The following STK25 variants were observed in gnomAD, a reference collection of about 807,000 sequenced individuals.
STK25 encodes the protein serine/threonine kinase 25, also known as serine/threonine-protein kinase 25.
Under a neutral mutation model 53.8 loss-of-function variants are expected in STK25, and 29 were observed. That is an observed-to-expected ratio of 0.54 (90% CI 0.40 to 0.74). The LOEUF (loss-of-function observed/expected upper bound fraction) is 0.74, where lower values mean the gene tolerates loss of function less well. Among genes scored for constraint, STK25 ranks in the 30% least tolerant of loss-of-function variants. The probability of loss-of-function intolerance (pLI) is 0.00; values close to 1 mark genes in which losing one functional copy is unlikely to be tolerated. For missense variants in STK25, 420 were observed against 568.0 expected (o/e 0.74, Z 2.65); for synonymous variants, 247 against 238.3 (o/e 1.04, Z -0.33).
At position 241,501,285 on chromosome 2, in the gene STK25, C is replaced by A; in HGVS notation, c.261+193G>T. ...TTACCACAGGCAGGCAAGTGGGTCC[C>A]AATGGCCATTTAGAGCCAACTGACC... On this transcript the variant is annotated intron_variant, in intron 3 of 11. Coordinates refer to ENST00000316586, the MANE Select transcript of STK25 (RefSeq NM_001271977.2). The surrounding 1 kb of genome is among the most constrained non-coding windows in gnomAD (Gnocchi z 5.3). 1.5e-6 allele frequency: 1 copy of A among 648,926 alleles called. No individual in the cohort carries two copies. 40.2% of individuals were successfully genotyped at this position (648,926 alleles called of 1,614,324 possible).
chr2:241,508,325 A>C, intron 1 of STK25, 118 bp downstream of exon 1: 3 of 1,182,546 alleles, frequency 2.5e-6, no homozygotes, highest in Non-Finnish European at 3.1e-6. Context: ...CACCTCTTCC[A>C]AGGCAGCTTC....
In STK25 at chr2:241,497,719, GGCAGT is replaced by G. The variant is rs780144982; in HGVS notation, c.1033-37_1033-33del. On this transcript the variant is annotated intron_variant, in intron 9 of 11. Transcript: ENST00000316586. ...AGGAGTGGAGGCCCAGGGTGAGCAG[GGCAGT>G]GCAGGTGACAGGCAGGGCACTCCCA... 3.7e-6 allele frequency: 6 copies of G among 1,608,422 alleles called. No homozygotes were observed. In the South Asian group the frequency reaches 6.6e-5, roughly 18 times the overall value.
chr2:241,498,615 C>A, intron 8 of STK25, 24 bp downstream of exon 8: 1 of 1,603,624 alleles, frequency 6.2e-7, no homozygotes, highest in Non-Finnish European at 8.5e-7. Flanking sequence ...CTAGGGTCAC[C>A]ATGAGGATAA....
intron 1 of STK25, 146 bp from the exon 2 acceptor site, chr2:241,508,281 C>T (rs901613178): frequency 1.6e-6 from 2 of 1,274,446 alleles, no homozygotes; most frequent in Non-Finnish European, 2.0e-6. Context: ...CGCCCAGGCT[C>T]CCGGGGGCTC....
At chr2:241,506,256 A>C (rs899661998) in intron 2 of STK25, among the ~76,000 whole-genome samples, 2 of 152,210 alleles carry the variant, frequency 1.3e-5, no homozygotes, top group Non-Finnish European at 2.9e-5. Flanking sequence ...GTTTTCTGCC[A>C]CTATATGAAG....
intron 7 of STK25, 21 bp downstream of exon 7, chr2:241,498,968 C>G (rs749095228): frequency 6.2e-7 from 1 of 1,613,086 alleles, no homozygotes; most frequent in African/African-American, 1.3e-5. Context: ...TAGAAGGGAC[C>G]GGGCCAGAGG....
upstream of STK25, chr2:241,508,819 C>G: frequency 1.1e-6 from 1 of 913,776 alleles, no homozygotes; most frequent in South Asian, 5.0e-5. Flanking sequence ...CGCGCCTGGG[C>G]GGGCGGGGCA....
upstream of STK25, chr2:241,509,482 C>T (rs1158865775): frequency 6.6e-6 from 1 of 152,378 alleles, no homozygotes; most frequent in Non-Finnish European, 1.5e-5. Context: ...AGATTTGTCC[C>T]TCCTGCATAC....
chr2:241,508,807 C>A, upstream of STK25: 3 of 956,680 alleles, frequency 3.1e-6, no homozygotes, highest in Non-Finnish European at 3.7e-6. Flanking sequence ...CCCGGCAGGC[C>A]GCGCGCCTGG....
intron 1 of STK25, 128 bp downstream of exon 1, chr2:241,508,300 TCCCGTCGCCGCCCCC>T: frequency 8.1e-7 from 1 of 1,236,512 alleles, no homozygotes; most frequent in Non-Finnish European, 1.0e-6. Context: ...TCGCCGCCCC[TCCCGTCGCCGCCCCC>T]ACCTCTTCCA....
At chr2:241,499,611 G>A (rs950555612) in intron 5 of STK25, 197 bp from the exon 6 acceptor site, 15 of 649,180 alleles carry the variant, frequency 2.3e-5, no homozygotes, top group Admixed American at 1.2e-4. Flanking sequence ...GGAGCCCAAC[G>A]GCTCCACTCC....
rs1050839648 is a variant in STK25 at position 241,494,753 on chromosome 2, C to G, written c.*909G>C. 3.9e-5 allele frequency: 6 copies of G among 152,248 alleles called. No homozygotes were observed. Among genetic ancestry groups the G allele is most frequent in the African/African-American group, 1.2e-4 (5 of 41,454 alleles). The allele number at this position is 152,248 out of a possible 1,614,324, so 9.4% of individuals were successfully genotyped here. A position where few individuals can be genotyped will look rare whatever the true frequency, so the allele number is the denominator to read the frequency against. ...GAGGGTGGGGCCGTCTAATTTATTA[C>G]TGCCCAGCATTCCTTCCAACGGGAA... On this transcript the variant is annotated 3_prime_UTR_variant, in exon 12 of 12. Transcript: ENST00000316586. This position sits in a 1 kb window ranked among gnomAD's most constrained non-coding sequence, Gnocchi z 4.9.
At chr2:241,495,818 C>A in intron 11 of STK25, 117 bp from the exon 12 acceptor site, 1 of 1,013,630 alleles carries the variant, frequency 9.9e-7, no homozygotes, top group South Asian at 1.3e-5. Flanking sequence ...CCACGTGGGT[C>A]TGAAGGTGTC....
At chr2:241,507,562 G>C (rs1204975664) in intron 2 of STK25, among the ~76,000 whole-genome samples, 6 of 152,292 alleles carry the variant, frequency 3.9e-5, no homozygotes, top group Admixed American at 6.5e-5. Flanking sequence ...GCCCCTCAGC[G>C]CCCGCCAGGG....
In STK25 at chr2:241,495,586, C is replaced by G. The variant is rs750009586; in HGVS notation, c.*76G>C. ...GCACGACATAGCACAGGGCACCTTC[C>G]AAGTCAGCACAGTTCTTATGGAGCT... On this transcript the variant is annotated 3_prime_UTR_variant, in exon 12 of 12. Transcript: ENST00000316586. 1.7e-5 allele frequency: 27 copies of G among 1,558,064 alleles called. No homozygotes were observed. In the Admixed American group the frequency reaches 3.5e-4, roughly 20 times the overall value.
chr2:241,495,575 A>G lies in STK25; in HGVS notation c.*87T>C. The G allele has an allele frequency of 1.3e-6, 2 of 1,488,084 alleles. No homozygotes were observed. Among genetic ancestry groups the G allele is most frequent in the South Asian group, 1.1e-5 (1 of 88,418 alleles). 92.2% of individuals were successfully genotyped at this position (1,488,084 alleles called of 1,614,324 possible). A position where few individuals can be genotyped will look rare whatever the true frequency, so the allele number is the denominator to read the frequency against. On this transcript the variant is annotated 3_prime_UTR_variant, in exon 12 of 12. Transcript: ENST00000316586. ...TGTCCCTGCAGGCACGACATAGCAC[A>G]GGGCACCTTCCAAGTCAGCACAGTT...
chr2:241,504,422 T>C (rs934590296), intron 2 of STK25, among the ~76,000 whole-genome samples: 2 of 152,248 alleles, frequency 1.3e-5, no homozygotes, highest in African/African-American at 4.8e-5. Flanking sequence ...CTCGGCAGGA[T>C]AGAGAGAGCT....
At position 241,493,403 on chromosome 2, in the gene STK25, C is replaced by A; in HGVS notation, c.*2259G>T. Reference sequence around the variant, plus strand: ...TTTTCAAGCTCCAGTTCAAATCCCACGTCTACTTCTTCCGGGCTGAGAGCA... The same window carrying A: ...TTTTCAAGCTCCAGTTCAAATCCCAAGTCTACTTCTTCCGGGCTGAGAGCA... On this transcript the variant is annotated 3_prime_UTR_variant, in exon 12 of 12. Coordinates refer to ENST00000316586, the MANE Select transcript of STK25 (RefSeq NM_001271977.2). 1 of 1,613,944 alleles carries A rather than the reference C, an allele frequency of 6.2e-7. No individual in the cohort carries two copies. Among genetic ancestry groups the A allele is most frequent in the Non-Finnish European group, 8.5e-7 (1 of 1,179,990 alleles).
intron 10 of STK25, among the ~76,000 whole-genome samples, chr2:241,497,011 C>G (rs2065210311): frequency 6.6e-6 from 1 of 152,230 alleles, no homozygotes; most frequent in South Asian, 2.1e-4. Flanking sequence ...TGCCCAGGAC[C>G]TGGACCCGAG....
Sources: gnomAD v4.1 joint callset for allele counts (sites outside exome capture counted in the v4.1 genomes callset) on GRCh38, gnomAD v4.1.1 for gene constraint, Gnocchi (gnomAD v3.1) non-coding constraint, MANE v1.5 for transcripts, NCBI Gene and HGNC (gene_info 2026-07-23, HGNC 2026-07-21) for gene names.